Variants in EVC2 observed in about 807,000 individuals in gnomAD.
EVC2 encodes EvC ciliary complex subunit 2.
In EVC2, 148 loss-of-function variants were observed where a neutral mutation model predicts 149.3. That is an observed-to-expected ratio of 0.99 (90% confidence interval 0.87 to 1.14). The LOEUF (loss-of-function observed/expected upper bound fraction) is 1.14. Among genes scored for constraint, EVC2 ranks in the 50% most tolerant of loss-of-function variants. EVC2 has a pLI of 0.00. For synonymous variants in EVC2, 776 were observed against 649.9 expected (o/e 1.19, Z -2.95); for missense variants, 1,854 against 1,627.3 (o/e 1.14, Z -2.40).
chr4:5,582,132 C>T (rs1711852885), intron 17 of EVC2, among the ~76,000 whole-genome samples: 1 of 152,206 alleles, frequency 6.6e-6, no homozygotes, highest in South Asian at 2.1e-4. Flanking sequence ...ACACAGAGTC[C>T]CCATTGAGAC....
In EVC2 at chr4:5,588,413, T is replaced by G. The variant is rs186157360; in HGVS notation, c.2830-3563A>C. Among the ~76,000 whole-genome samples the G allele has an allele frequency of 2.0e-4, 30 of 152,336 alleles. No individual in the cohort carries two copies. In the East Asian group the frequency reaches 5.8e-3, roughly 29 times the overall value. On this transcript the variant is annotated intron_variant, in intron 16 of 21. Transcript: ENST00000344408. ...TATGCTTGGGATACACTGAGCTTCT[T>G]AAATCTGTGAGTTTATAGTTGTCAT...
At chr4:5,529,039 C>A in the EVC2 span, among the ~76,000 whole-genome samples, 2 of 152,056 alleles carry the variant, frequency 1.3e-5, no homozygotes, top group African/African-American at 2.4e-5. This position sits in a 1 kb window ranked among gnomAD's most constrained non-coding sequence, Gnocchi z 4.5. Context: ...TATAGCTTAC[C>A]CCTCATGTTT....
intron 16 of EVC2, among the ~76,000 whole-genome samples, chr4:5,602,240 T>A (rs1714037777): frequency 6.9e-6 from 1 of 144,896 alleles, no homozygotes; most frequent in Non-Finnish European, 1.5e-5. Context: ...CAGTGAGCTA[T>A]GACTGTGCCA....
intron 21 of EVC2, among the ~76,000 whole-genome samples, chr4:5,543,723 A>G (rs913570719): frequency 3.9e-5 from 6 of 152,166 alleles, no homozygotes; most frequent in Non-Finnish European, 1.5e-5. Flanking sequence ...AACCCCAGGT[A>G]GGTAAGAGGT....
intron 1 of EVC2, among the ~76,000 whole-genome samples, chr4:5,700,840 C>T (rs748978819): frequency 1.3e-5 from 2 of 152,110 alleles, no homozygotes; most frequent in Non-Finnish European, 2.9e-5. Context: ...GCCACTCCAA[C>T]GTTCCACTTA....
At chr4:5,620,176 T>C (rs1715584656) in intron 14 of EVC2, among the ~76,000 whole-genome samples, 1 of 152,166 alleles carries the variant, frequency 6.6e-6, no homozygotes, top group South Asian at 2.1e-4. Context: ...AAAGCAACCT[T>C]TGGAAACTGC....
At chr4:5,621,598 G>C (rs1375825862) in intron 14 of EVC2, among the ~76,000 whole-genome samples, 1 of 152,170 alleles carries the variant, frequency 6.6e-6, no homozygotes, top group African/African-American at 2.4e-5. Context: ...CAGCACAAAA[G>C]GCTCCCTTCC....
At chr4:5,702,424 G>A (rs1721882810) in intron 1 of EVC2, among the ~76,000 whole-genome samples, 1 of 152,194 alleles carries the variant, frequency 6.6e-6, no homozygotes, top group Non-Finnish European at 1.5e-5. Context: ...GACAGAGCCT[G>A]GCATCTAGAA....
At chr4:5,533,805 G>A in the EVC2 span, among the ~76,000 whole-genome samples, 2 of 152,192 alleles carry the variant, frequency 1.3e-5, no homozygotes, top group Admixed American at 1.3e-4. Flanking sequence ...ACTGGAGGAG[G>A]TGATATCTGA....
intron 7 of EVC2, among the ~76,000 whole-genome samples, chr4:5,668,466 C>T (rs904227140): frequency 7.2e-5 from 11 of 152,196 alleles, no homozygotes; most frequent in Non-Finnish European, 1.6e-4. Flanking sequence ...TTGATTAACA[C>T]TAAAATGAAA....
intron 9 of EVC2, among the ~76,000 whole-genome samples, chr4:5,649,416 C>T (rs1717955815): frequency 6.6e-6 from 1 of 152,114 alleles, no homozygotes; most frequent in Non-Finnish European, 1.5e-5. Context: ...TCAAGGGAAA[C>T]AGTACCGCTT....
chr4:5,640,717 G>T lies in EVC2; in HGVS notation c.1267C>A (p.Gln423Lys), dbSNP rs1258808045. 2.5e-6 allele frequency: 4 copies of T among 1,613,954 alleles called. No homozygotes were observed. Among genetic ancestry groups the T allele is most frequent in the Non-Finnish European group, 3.4e-6 (4 of 1,180,032 alleles). The change falls in exon 10 of 22, where the codon CAA (glutamine) becomes AAA (lysine). Residue 423 changes from glutamine to lysine, a missense_variant. By Grantham distance (53) the Gln-to-Lys change is moderately conservative. Coordinates refer to ENST00000344408, the MANE Select transcript of EVC2 (RefSeq NM_147127.5). The surrounding 1 kb of genome is among the most constrained non-coding windows in gnomAD (Gnocchi z 4.6). ...ACAGCACTCATTTTTCTCTCTACTT[G>T]GGGTGAGAGGTGGCCACTGCTGGTG... ...NLTSSGHLSP[Q>K]VERKMSAVFK...
At chr4:5,699,890 C>T (rs1721720328) in intron 1 of EVC2, among the ~76,000 whole-genome samples, 1 of 152,070 alleles carries the variant, frequency 6.6e-6, no homozygotes, top group Admixed American at 6.6e-5. Flanking sequence ...CCTGTAATCC[C>T]AGCACTTTGG....
intron 17 of EVC2, among the ~76,000 whole-genome samples, chr4:5,577,918 A>T (rs1344758961): frequency 6.6e-6 from 1 of 152,132 alleles, no homozygotes; most frequent in African/African-American, 2.4e-5. Context: ...GTCTACCCAG[A>T]TGCCAGCCCC....
chr4:5,626,507 T>C (rs1270133483), intron 12 of EVC2, among the ~76,000 whole-genome samples: 8 of 152,060 alleles, frequency 5.3e-5, no homozygotes, highest in Admixed American at 5.2e-4. Flanking sequence ...TAATTTTTTT[T>C]GTATTTTTAG....
In EVC2 at chr4:5,689,350, C is replaced by A. The variant is rs1177228956; in HGVS notation, c.520-7G>T. ...CTTCACTCGACCCAGACACCTAGGG[C>A]AGAAGGAGAAGGCATGAGGGCAGAT... On this transcript the variant is annotated splice_region_variant and splice_polypyrimidine_tract_variant and intron_variant, in intron 4 of 21. Transcript: ENST00000344408. 6.2e-7 allele frequency: 1 copy of A among 1,613,788 alleles called. No individual in the cohort carries two copies. The highest frequency in any genetic ancestry group is 1.3e-5 in the African/African-American group (1 of 74,898).
chr4:5,563,138 A>T, intron 21 of EVC2, 23 bp from the exon 22 acceptor site: 2 of 1,608,086 alleles, frequency 1.2e-6, no homozygotes, highest in Non-Finnish European at 1.7e-6. Context: ...CAAAAGATCA[A>T]ATTCAATATT....
chr4:5,681,807 A>G (rs542126033), intron 6 of EVC2, among the ~76,000 whole-genome samples: 1 of 152,282 alleles, frequency 6.6e-6, no homozygotes, highest in South Asian at 2.1e-4. Flanking sequence ...GAAACAGAAA[A>G]ATAAAGTGTG....
chr4:5,593,273 A>G (rs567260081), intron 16 of EVC2, among the ~76,000 whole-genome samples: 1 of 152,186 alleles, frequency 6.6e-6, no homozygotes, highest in African/African-American at 2.4e-5. Context: ...GTCAAAAGTT[A>G]AGCTGTGCAG....
Sources: gnomAD v4.1 joint callset for allele counts (sites outside exome capture counted in the v4.1 genomes callset) on GRCh38, gnomAD v4.1.1 for gene constraint, Gnocchi (gnomAD v3.1) non-coding constraint, MANE v1.5 for transcripts, NCBI Gene and HGNC (gene_info 2026-07-23, HGNC 2026-07-21) for gene names.